The following COL20A1 variants were observed in gnomAD, a reference collection of about 807,000 sequenced individuals.
The protein encoded by COL20A1 is collagen type XX alpha 1 chain, also known as collagen alpha-1(XX) chain.
A neutral mutation model predicts 152.9 loss-of-function variants in COL20A1; 164 were observed. The observed-to-expected ratio is 1.07, with a 90% CI of 0.94 to 1.22. The LOEUF is 1.22. COL20A1 is among the 50% of genes most tolerant of loss of function. COL20A1 has a pLI of 0.00. For synonymous variants in COL20A1, 864 were observed against 756.0 expected, an observed-to-expected ratio of 1.14 and a Z score of -2.34; for missense variants, 1,873 against 1,744.8, an observed-to-expected ratio of 1.07 and a Z score of -1.31.
intron 3 of COL20A1, among the ~76,000 whole-genome samples, chr20:63,303,789 GTTCCTCCCTCCC>G (rs796383966): frequency 9.5e-4 from 145 of 152,188 alleles, no homozygotes; most frequent in African/African-American, 3.4e-3. Flanking sequence ...GCAGGTGTGG[GTTCCTCCCTCCC>G]TTCCTCCCTC....
At chr20:63,326,392 AG>A (rs1383900965) in intron 30 of COL20A1, among the ~76,000 whole-genome samples, 3 of 152,092 alleles carry the variant, frequency 2.0e-5, no homozygotes, top group Non-Finnish European at 4.4e-5. Flanking sequence ...GAGACCTTGG[AG>A]GGGGGTCTCC....
chr20:63,309,484 G>A lies in COL20A1; in HGVS notation c.1092G>A (p.Pro364=), dbSNP rs780856429. The A allele has an allele frequency of 2.1e-5, 32 of 1,521,890 alleles. No individual in the cohort carries two copies. Among genetic ancestry groups the A allele is most frequent in the Admixed American group, 1.7e-4 (8 of 47,796 alleles). The allele number at this position is 1,521,890 out of a possible 1,614,324, so 94.3% of individuals were successfully genotyped here. The change falls in exon 9 of 36, where the codon CCG becomes CCA. Residue 364 remains proline, a synonymous_variant. Transcript: ENST00000358894. ...GCCAGAGGCTCCAGGGTGGGAGCCC[G>A]CGGCAGGGCCCAGGTGAGGGGCAGG... The part of the protein sequence containing the change: ...LICQRLQGGS[P]RQGPAAAPAL...
At chr20:63,314,299 C>A (rs2068056700) in intron 19 of COL20A1, 98 bp downstream of exon 19, 2 of 1,053,514 alleles carry the variant, frequency 1.9e-6, no homozygotes, top group Middle Eastern at 2.5e-4. Flanking sequence ...AACCCCAGAC[C>A]CAGCCAACCC....
rs1057056136 is a variant in COL20A1, at chr20:63,308,098, C to T, written c.775+8C>T. The T allele has an allele frequency of 3.8e-6, 6 of 1,598,450 alleles. No individual in the cohort carries two copies. Among genetic ancestry groups the T allele is most frequent in the Non-Finnish European group, 5.1e-6 (6 of 1,178,978 alleles). ...GGGGGAACACGTTCACAGGTACGGC[C>T]CAGGCCTGCCCCTCCCTCTGTCCTG... On this transcript the variant is annotated splice_region_variant and intron_variant, in intron 7 of 35. Coordinates refer to ENST00000358894, the MANE Select transcript of COL20A1 (RefSeq NM_020882.4).
rs1429587832 is a variant in COL20A1 at position 63,319,676 on chromosome 20, C to T, written c.2916+80C>T. 1.7e-5 allele frequency: 16 copies of T among 929,696 alleles called. No individual in the cohort carries two copies. Among genetic ancestry groups the T allele is most frequent in the Non-Finnish European group, 2.3e-5 (14 of 596,934 alleles). 57.6% of individuals were successfully genotyped at this position (929,696 alleles called of 1,614,324 possible). On this transcript the variant is annotated intron_variant, in intron 23 of 35. Coordinates refer to ENST00000358894, the MANE Select transcript of COL20A1 (RefSeq NM_020882.4). The surrounding 1 kb of genome is among the most constrained non-coding windows in gnomAD (Gnocchi z 4.4). The stretch of plus-strand genomic sequence containing the variant: ...AGCCCCACAGGGACCTGCCGGATGC[C>T]AACTCCTCTCCCTAGGAGAGCAGGA...
chr20:63,295,316 C>T (rs1245114136), intron 2 of COL20A1, 127 bp downstream of exon 2: 2 of 635,754 alleles, frequency 3.1e-6, no homozygotes, highest in Non-Finnish European at 5.6e-6. Flanking sequence ...GCTGAATTCA[C>T]AGCAGCTCCC....
In COL20A1 at chr20:63,310,373, T is replaced by C; in HGVS notation, c.1264-8T>C. On this transcript the variant is annotated splice_polypyrimidine_tract_variant and splice_region_variant and intron_variant, in intron 10 of 35. Coordinates refer to ENST00000358894, the MANE Select transcript of COL20A1 (RefSeq NM_020882.4). ...TTCCTGGCTCCGTCCTTGCCCACTC[T>C]GTTCCAGGTGGTGGTGGAGGGACCC... 1 of 1,610,876 alleles carries C rather than the reference T, an allele frequency of 6.2e-7. No individual in the cohort carries two copies. The highest frequency in any genetic ancestry group is 8.5e-7 in the Non-Finnish European group (1 of 1,179,204).
intron 26 of COL20A1, among the ~76,000 whole-genome samples, chr20:63,321,571 G>C (rs1198274151): frequency 6.6e-6 from 1 of 152,220 alleles, no homozygotes; most frequent in Non-Finnish European, 1.5e-5. Context: ...CCACTGTCCT[G>C]GGTGCTGGCA....
rs567872686 is a variant in COL20A1 at position 63,319,739 on chromosome 20, C to T, written c.2916+143C>T. ...GGGAACATTGACCTGGGGCTCTGTT[C>T]CTCTACCCCAGCTCTTCCATCTTAA... On this transcript the variant is annotated intron_variant, in intron 23 of 35. Coordinates refer to ENST00000358894, the MANE Select transcript of COL20A1 (RefSeq NM_020882.4). This position sits in a 1 kb window ranked among gnomAD's most constrained non-coding sequence, Gnocchi z 4.4. The T allele has an allele frequency of 9.9e-4, 628 of 632,658 alleles. No homozygotes were observed. Among genetic ancestry groups the T allele is most frequent in the Non-Finnish European group, 1.6e-3 (563 of 362,308 alleles). The allele number at this position is 632,658 out of a possible 1,614,324, so 39.2% of individuals were successfully genotyped here.
At chr20:63,314,944 A>T (rs2068065879) in intron 19 of COL20A1, among the ~76,000 whole-genome samples, 1 of 136,328 alleles carries the variant, frequency 7.3e-6, no homozygotes, top group Admixed American at 7.4e-5. Context: ...CTCTCCTCAC[A>T]CCAGGCATCT....
chr20:63,325,145 G>T (rs1601439772), intron 27 of COL20A1: 1 of 554,438 alleles, frequency 1.8e-6, no homozygotes, highest in Non-Finnish European at 3.3e-6. Context: ...TAATGGAGGT[G>T]TCTCCATGTC....
intron 8 of COL20A1, 124 bp downstream of exon 8, chr20:63,308,830 C>T: frequency 2.2e-6 from 2 of 910,662 alleles, no homozygotes; most frequent in Non-Finnish European, 3.2e-6. Context: ...CGGCACGGAG[C>T]TGCACGCAGA....
At chr20:63,316,774 A>C in intron 21 of COL20A1, 83 bp downstream of exon 21, 2 of 1,134,584 alleles carry the variant, frequency 1.8e-6, no homozygotes, top group Non-Finnish European at 2.4e-6. Context: ...GGGGGCGGGC[A>C]TGGGCCGGAG....
At chr20:63,325,638 T>G in intron 28 of COL20A1, 30 bp from the exon 29 acceptor site, 1 of 1,596,728 alleles carries the variant, frequency 6.3e-7, no homozygotes, top group South Asian at 1.1e-5. Flanking sequence ...CCCTGGCCCC[T>G]GCCTGGCCGG....
chr20:63,301,641 C>T (rs2067864391), intron 3 of COL20A1, among the ~76,000 whole-genome samples: 1 of 152,094 alleles, frequency 6.6e-6, no homozygotes, highest in Non-Finnish European at 1.5e-5. Flanking sequence ...GGTAGGTTGA[C>T]CCTTTTTCAT....
chr20:63,320,139 G>A lies in COL20A1; in HGVS notation c.3017G>A (p.Gly1006Asp), dbSNP rs1426268276. Residue 1006 changes from glycine to aspartate, a missense_variant, in exon 24 of 36, where the codon GGC (glycine) becomes GAC (aspartate). Gly to Asp is a moderately conservative substitution (Grantham distance 94). Coordinates refer to ENST00000358894, the MANE Select transcript of COL20A1 (RefSeq NM_020882.4). Reference sequence around the variant, plus strand: ...GAGATGGGCAGCCCACCCGCTGCGGGCTTCGTCACGCTGGGGAGGCTGGCC... The same window carrying A: ...GAGATGGGCAGCCCACCCGCTGCGGACTTCGTCACGCTGGGGAGGCTGGCC... ...LGEMGSPPAA[G>D]FVTLGRLAKA... The A allele has an allele frequency of 1.3e-6, 2 of 1,548,316 alleles. No homozygotes were observed. Among genetic ancestry groups the A allele is most frequent in the Non-Finnish European group, 1.7e-6 (2 of 1,147,056 alleles).
chr20:63,300,139 C>T (rs1373698916), intron 3 of COL20A1, among the ~76,000 whole-genome samples: 1 of 152,134 alleles, frequency 6.6e-6, no homozygotes, highest in Admixed American at 6.5e-5. Context: ...GATTTTTATA[C>T]TTATATTCAT....
intron 31 of COL20A1, chr20:63,327,075 T>C (rs964972914): frequency 1.4e-5 from 6 of 424,400 alleles, no homozygotes; most frequent in African/African-American, 4.1e-5. Flanking sequence ...ACCCAAGGAC[T>C]TCCTGTCGCT....
rs775264398 is a variant in COL20A1 at position 63,310,453 on chromosome 20, G to C, written c.1336G>C (p.Val446Leu). Residue 446 changes from valine to leucine, a missense_variant, in exon 11 of 36, where the codon GTG becomes CTG. Coordinates refer to ENST00000358894, the MANE Select transcript of COL20A1 (RefSeq NM_020882.4). ...LASRTEYLVS[V>L]FPIYEGGVGE... ...CTCCCGCACAGAGTACCTGGTCTCCGTGTTCCCCATCTATGAGGGCGGGGT... is the reference window on the plus strand; with the variant it reads ...CTCCCGCACAGAGTACCTGGTCTCCCTGTTCCCCATCTATGAGGGCGGGGT... 2.5e-6 allele frequency: 4 copies of C among 1,609,380 alleles called. No individual in the cohort carries two copies. Among genetic ancestry groups the C allele is most frequent in the Non-Finnish European group, 3.4e-6 (4 of 1,178,546 alleles).
Sources: gnomAD v4.1 joint callset for allele counts (sites outside exome capture counted in the v4.1 genomes callset) on GRCh38, gnomAD v4.1.1 for gene constraint, Gnocchi (gnomAD v3.1) non-coding constraint, MANE v1.5 for transcripts, NCBI Gene and HGNC (gene_info 2026-07-23, HGNC 2026-07-21) for gene names.